The following CELF2 variants were observed in gnomAD, a reference collection of about 807,000 sequenced individuals.
CELF2 encodes CUG triplet repeat RNA-binding protein 2.
CELF2 carries 8 observed loss-of-function variants against 62.6 expected under a neutral mutation model. That is an observed-to-expected ratio of 0.13 (90% confidence interval 0.07 to 0.23). The LOEUF (loss-of-function observed/expected upper bound fraction) is 0.23. CELF2 is among the 10% of genes least tolerant of loss of function. The pLI is 1.00. For missense variants in CELF2, 333 were observed against 671.0 expected (o/e 0.50, Z 5.56); for synonymous variants, 258 against 250.0 (o/e 1.03, Z -0.30).
the CELF2 span, among the ~76,000 whole-genome samples, chr10:10,623,856 C>T: frequency 2.0e-5 from 3 of 152,136 alleles, no homozygotes; most frequent in Non-Finnish European, 4.4e-5. Flanking sequence ...GTCAAGAAGT[C>T]GAGATGCAGA....
intron 1 of CELF2, among the ~76,000 whole-genome samples, chr10:11,151,006 A>G (rs1394880133): frequency 6.6e-6 from 1 of 152,066 alleles, no homozygotes; most frequent in Non-Finnish European, 1.5e-5. Context: ...GAATGTTGTG[A>G]GATCATAAAA....
intron 1 of CELF2, among the ~76,000 whole-genome samples, chr10:11,069,314 C>T (rs2069061447): frequency 6.6e-6 from 1 of 152,096 alleles, no homozygotes; most frequent in South Asian, 2.1e-4. Flanking sequence ...AAGATAAATG[C>T]CAAAAGACAG....
intron 6 of CELF2, 150 bp downstream of exon 6, chr10:11,266,827 TTC>T (rs34379813): frequency 0.75 from 370,243 of 492,080 alleles, 133,340 homozygotes; most frequent in Non-Finnish European, 0.77. Flanking sequence ...CATTCTCTCC[TTC>T]TCTCTCTCTC....
chr10:10,924,275 C>T (rs2065221580), intron 2 of CELF2, among the ~76,000 whole-genome samples: 1 of 100,798 alleles, frequency 9.9e-6, no homozygotes, highest in African/African-American at 4.1e-5. Flanking sequence ...CAGCGAGACT[C>T]CGTCCCAAAA....
the CELF2 span, among the ~76,000 whole-genome samples, chr10:10,477,955 A>G: frequency 2.6e-5 from 4 of 152,106 alleles, no homozygotes; most frequent in Non-Finnish European, 4.4e-5. Flanking sequence ...GAATATCTGT[A>G]ATACAATTTA....
the CELF2 span, among the ~76,000 whole-genome samples, chr10:10,522,470 A>C: frequency 6.6e-6 from 1 of 152,384 alleles, no homozygotes; most frequent in South Asian, 2.1e-4. Context: ...ATGTTCTCAC[A>C]GAGCACGTAC....
At chr10:10,488,532 T>C in the CELF2 span, among the ~76,000 whole-genome samples, 1 of 152,140 alleles carries the variant, frequency 6.6e-6, no homozygotes, top group South Asian at 2.1e-4. Flanking sequence ...ACAAAAACAC[T>C]TCATGTGTAT....
At chr10:11,084,086 A>C (rs1428298228) in intron 1 of CELF2, among the ~76,000 whole-genome samples, 1 of 152,220 alleles carries the variant, frequency 6.6e-6, no homozygotes, top group Non-Finnish European at 1.5e-5. Flanking sequence ...ATGTTTTGGC[A>C]AGGAAAGGAA....
the CELF2 span, among the ~76,000 whole-genome samples, chr10:10,684,114 G>C: frequency 4.6e-5 from 7 of 152,140 alleles, no homozygotes; most frequent in Non-Finnish European, 1.0e-4. Context: ...TTCCTACCTC[G>C]GGATGAAGGG....
chr10:10,593,319 G>A, the CELF2 span, among the ~76,000 whole-genome samples: 3 of 152,184 alleles, frequency 2.0e-5, no homozygotes, highest in East Asian at 3.9e-4. Flanking sequence ...GATCTAGAAC[G>A]GCTTTGCTCA....
At chr10:11,106,710 A>G (rs987671235) in intron 1 of CELF2, among the ~76,000 whole-genome samples, 2 of 152,278 alleles carry the variant, frequency 1.3e-5, no homozygotes, top group Non-Finnish European at 2.9e-5. Flanking sequence ...TGAATACTCT[A>G]TGAAGTAAAC....
chr10:11,229,514 C>A (rs1048856868), intron 3 of CELF2, among the ~76,000 whole-genome samples: 12 of 152,160 alleles, frequency 7.9e-5, no homozygotes, highest in Non-Finnish European at 1.0e-4. Flanking sequence ...GGAATAGAAT[C>A]CCTCGGGAGC....
At chr10:10,858,714 A>T (rs894071917) in intron 1 of CELF2, among the ~76,000 whole-genome samples, 2 of 152,152 alleles carry the variant, frequency 1.3e-5, no homozygotes, top group African/African-American at 4.8e-5. Context: ...GAATGAAAGT[A>T]TGTTGTTGAA....
chr10:10,630,702 T>C, the CELF2 span, among the ~76,000 whole-genome samples: 7 of 152,212 alleles, frequency 4.6e-5, no homozygotes, highest in African/African-American at 1.7e-4. Context: ...GAGAAATTAA[T>C]GGCAGTGGGA....
At chr10:11,009,634 C>T (rs898411039) in intron 1 of CELF2, among the ~76,000 whole-genome samples, 1 of 152,104 alleles carries the variant, frequency 6.6e-6, no homozygotes, top group African/African-American at 2.4e-5. Context: ...ACATGTATTA[C>T]GAGGGCAGAT....
chr10:10,708,689 G>A, the CELF2 span, among the ~76,000 whole-genome samples: 4 of 152,204 alleles, frequency 2.6e-5, no homozygotes, highest in African/African-American at 9.6e-5. Flanking sequence ...AATAGCTCAT[G>A]GTGAGATCTT....
At chr10:10,737,175 C>T in the CELF2 span, among the ~76,000 whole-genome samples, 4 of 152,010 alleles carry the variant, frequency 2.6e-5, no homozygotes, top group Admixed American at 6.6e-5. Flanking sequence ...TCTAACTATC[C>T]GTCAAATGTT....
At position 11,012,695 on chromosome 10, in the gene CELF2, G is replaced by T. The variant is rs1232439494; in HGVS notation, c.53+7255G>T. ...ACAGTAAGACAAGAACTTCTGACCA[G>T]TTGGGGAAAACATGTCGTCGGGGTG... is the stretch of plus-strand genomic sequence containing the variant. On this transcript the variant is annotated intron_variant, in intron 1 of 12. Transcript: ENST00000416382. This position sits in a 1 kb window ranked among gnomAD's most constrained non-coding sequence, Gnocchi z 5.5. Among the ~76,000 whole-genome samples, 1 of 152,150 alleles carries T rather than the reference G, an allele frequency of 6.6e-6. No homozygotes were observed. Among genetic ancestry groups the T allele is most frequent in the Non-Finnish European group, 1.5e-5 (1 of 68,036 alleles).
At chr10:10,687,232 G>A in the CELF2 span, among the ~76,000 whole-genome samples, 14 of 152,054 alleles carry the variant, frequency 9.2e-5, no homozygotes, top group Non-Finnish European at 1.6e-4. Context: ...CTGCCCAAAC[G>A]GACTGCCATA....
Sources: allele counts gnomAD v4.1 joint callset (sites outside exome capture counted in the v4.1 genomes callset), GRCh38; gene constraint gnomAD v4.1.1; non-coding constraint Gnocchi (gnomAD v3.1); transcripts MANE v1.5; gene names NCBI Gene and HGNC (gene_info 2026-07-23, HGNC 2026-07-21).